The following SFTPD variants were observed in gnomAD, a reference collection of about 807,000 sequenced individuals.
The protein encoded by SFTPD is pulmonary surfactant-associated protein D.
Under a neutral mutation model 34.6 loss-of-function variants are expected in SFTPD, and 18 were observed. The observed-to-expected ratio is 0.52, with a 90% confidence interval of 0.36 to 0.77. The LOEUF (loss-of-function observed/expected upper bound fraction) is 0.77. SFTPD is among the 30% of genes least tolerant of loss of function. The pLI is 0.00. For missense variants in SFTPD, 433 were observed against 468.9 expected (o/e 0.92, Z 0.71); for synonymous variants, 155 against 180.9 (o/e 0.86, Z 1.15).
At position 79,942,449 on chromosome 10, in the gene SFTPD, C is replaced by T. The variant is rs139257328; in HGVS notation, c.372G>A (p.Gly124=). 70 of 1,613,438 alleles carry T rather than the reference C, an allele frequency of 4.3e-5. No homozygotes were observed. The highest frequency in any genetic ancestry group is 5.5e-5 in the Non-Finnish European group (65 of 1,179,572). ...CCTGAGGTCCTATGTTCCCCTGCTT[C>T]CCCAGGGGACCTTCTCTTCCAGCTG... The part of the protein sequence containing the change: ...PGPAGREGPL[G]KQGNIGPQGK... The change falls in exon 4 of 8, where the codon GGG becomes GGA. Residue 124 remains glycine, a synonymous_variant. Coordinates refer to ENST00000372292, the MANE Select transcript of SFTPD (RefSeq NM_003019.5).
intron 1 of SFTPD, among the ~76,000 whole-genome samples, chr10:79,961,075 G>A (rs939808521): frequency 4.9e-4 from 74 of 152,312 alleles, no homozygotes; most frequent in African/African-American, 1.7e-3. Flanking sequence ...AATGGTGCTG[G>A]GAAAACTGGC....
At chr10:79,976,713 G>A in intron 1 of SFTPD, among the ~76,000 whole-genome samples, 1 of 152,220 alleles carries the variant, frequency 6.6e-6, no homozygotes, top group South Asian at 2.1e-4. Context: ...GCCACTTCTA[G>A]TTCAAGTGGC....
intron 7 of SFTPD, among the ~76,000 whole-genome samples, chr10:79,939,812 C>G (rs1842593913): frequency 6.6e-6 from 1 of 152,136 alleles, no homozygotes. Context: ...TTTTTTGGCT[C>G]AATGAGATGC....
Position 79,938,207 on chromosome 10 carries a change from T to C in SFTPD, c.773A>G (p.Gln258Arg). ...YKKVELFPNG[Q>R]SVGEKIFKTA... ...CTTGAAAATCTTCTCCCCGACACTT[T>C]GGCCATTTGGGAAGAGCTCAACTAG... Residue 258 changes from glutamine (Q) to arginine (R), a missense_variant, in exon 8 of 8, where the codon CAA becomes CGA. Gln to Arg is a conservative substitution (Grantham distance 43). Transcript: ENST00000372292. The C allele has an allele frequency of 6.3e-7, 1 of 1,596,468 alleles. No homozygotes were observed. Among genetic ancestry groups the C allele is most frequent in the Non-Finnish European group, 8.6e-7 (1 of 1,165,794 alleles).
chr10:79,949,826 T>C (rs1842698926), upstream of SFTPD, among the ~76,000 whole-genome samples: 1 of 151,282 alleles, frequency 6.6e-6, no homozygotes, highest in Non-Finnish European at 1.5e-5. Flanking sequence ...GAGCTGATGC[T>C]ACTTTTATCC....
intron 1 of SFTPD, among the ~76,000 whole-genome samples, chr10:79,957,753 C>CA (rs1842748379): frequency 6.6e-6 from 1 of 152,162 alleles, no homozygotes; most frequent in South Asian, 2.1e-4. Context: ...AGAACTTCCC[C>CA]AATGTAGCAA....
At chr10:79,981,948 C>T in intron 1 of SFTPD, 1 of 315,254 alleles carries the variant, frequency 3.2e-6, no homozygotes, top group Non-Finnish European at 6.0e-6. Flanking sequence ...CTCTCCACGT[C>T]TCCTCGTCTC....
chr10:79,959,486 A>G (rs1842759318), intron 1 of SFTPD, among the ~76,000 whole-genome samples: 1 of 152,224 alleles, frequency 6.6e-6, no homozygotes, highest in Non-Finnish European at 1.5e-5. Flanking sequence ...CCACAGAAAT[A>G]CAAACTACCA....
At chr10:79,951,389 G>A (rs531272561), upstream of SFTPD, among the ~76,000 whole-genome samples, 2 of 152,310 alleles carry the variant, frequency 1.3e-5, no homozygotes, top group African/African-American at 4.8e-5. Context: ...TGTATGTTGT[G>A]TGTGATCATT....
At chr10:79,952,917 C>T (rs1204181683), upstream of SFTPD, among the ~76,000 whole-genome samples, 1 of 152,208 alleles carries the variant, frequency 6.6e-6, no homozygotes, top group Non-Finnish European at 1.5e-5. Flanking sequence ...ACAAGTTCAG[C>T]AGTCCATAGT....
At chr10:79,976,066 T>TG (rs948118499) in intron 1 of SFTPD, among the ~76,000 whole-genome samples, 61 of 151,142 alleles carry the variant, frequency 4.0e-4, no homozygotes, top group African/African-American at 1.3e-3. Flanking sequence ...GGCCAGATTT[T>TG]GGGGGGCCTG....
rs909796091 is a variant in SFTPD, at chr10:79,938,333, C to T, written c.752-105G>A. ...ACCTGAGCCTTTCAGACCTCCCAAA[C>T]AGGCACCGCATCAGGATGCCAGAGA... On this transcript the variant is annotated intron_variant, in intron 7 of 7. Transcript: ENST00000372292. 16 of 1,014,038 alleles carry T rather than the reference C, an allele frequency of 1.6e-5. No individual in the cohort carries two copies. In the Admixed American group the frequency reaches 3.3e-4, roughly 21 times the overall value. The allele number at this position is 1,014,038 out of a possible 1,614,324, so 62.8% of individuals were successfully genotyped here.
intron 5 of SFTPD, 80 bp downstream of exon 5, chr10:79,941,874 G>T (rs1488010066): frequency 2.2e-6 from 2 of 889,632 alleles, no homozygotes; most frequent in Admixed American, 1.8e-5. Context: ...GTGGGTGGTG[G>T]AGGGGGTGTA....
At chr10:79,950,269 C>T (rs1390738982), upstream of SFTPD, 1 of 152,132 alleles carries the variant, frequency 6.6e-6, no homozygotes, top group African/African-American at 2.4e-5. Flanking sequence ...TATGTAATTG[C>T]TTTATATAAT....
intron 1 of SFTPD, chr10:79,968,660 T>C (rs1842817885): frequency 6.6e-6 from 1 of 152,160 alleles, no homozygotes; most frequent in South Asian, 2.1e-4. Flanking sequence ...GAATTATTTA[T>C]TTTCTTTTTG....
At chr10:79,979,499 G>A (rs988055492) in intron 1 of SFTPD, among the ~76,000 whole-genome samples, 1 of 152,166 alleles carries the variant, frequency 6.6e-6, no homozygotes, top group Non-Finnish European at 1.5e-5. Flanking sequence ...TGTGTACTTG[G>A]GAGAGAGAGA....
chr10:79,942,165 G>A (rs1842619629), intron 4 of SFTPD, 95 bp from the exon 5 acceptor site: 1 of 902,596 alleles, frequency 1.1e-6, no homozygotes, highest in African/African-American at 1.7e-5. Flanking sequence ...CAACTTTAGG[G>A]TCAGAGAGAG....
chr10:79,966,835 T>C (rs1243696763), intron 1 of SFTPD, among the ~76,000 whole-genome samples: 1 of 147,182 alleles, frequency 6.8e-6, no homozygotes, highest in East Asian at 2.5e-4. Flanking sequence ...ATTTATTAAA[T>C]AGGGAATCCT....
chr10:79,981,233 GAAGA>G (rs937769823), intron 1 of SFTPD, among the ~76,000 whole-genome samples: 9 of 152,090 alleles, frequency 5.9e-5, no homozygotes, highest in African/African-American at 1.9e-4. Flanking sequence ...TAACCAAGCA[GAAGA>G]AAGAATTAGT....
Sources: allele counts gnomAD v4.1 joint callset (sites outside exome capture counted in the v4.1 genomes callset), GRCh38; gene constraint gnomAD v4.1.1; transcripts MANE v1.5; gene names NCBI Gene and HGNC (gene_info 2026-07-23, HGNC 2026-07-21).